WWP1: variants seen among roughly 807,000 people sequenced by gnomAD.
WWP1 encodes the protein NEDD4-like E3 ubiquitin-protein ligase WWP1.
A neutral mutation model predicts 130.6 loss-of-function variants in WWP1; 49 were observed. That is an observed-to-expected ratio of 0.38 (90% CI 0.30 to 0.48). WWP1 has a LOEUF of 0.48. Among genes scored for constraint, WWP1 ranks in the 20% least tolerant of loss-of-function variants. The pLI, the probability that WWP1 is intolerant of heterozygous loss-of-function variation, is 0.99. For synonymous variants in WWP1, 332 were observed against 367.8 expected (o/e 0.90, Z 1.11); for missense variants, 809 against 1,100.6 (o/e 0.74, Z 3.75).
intron 5 of WWP1, among the ~76,000 whole-genome samples, chr8:86,394,704 T>C (rs142104013): frequency 3.9e-4 from 60 of 152,208 alleles, no homozygotes; most frequent in African/African-American, 1.4e-3. Flanking sequence ...CAGAATAATA[T>C]CTTTTTCCCT....
In WWP1 at chr8:86,395,141, T is replaced by C. The variant is rs573722324; in HGVS notation, c.335-3201T>C. Among the ~76,000 whole-genome samples the C allele has an allele frequency of 6.6e-5, 10 of 152,166 alleles. No homozygotes were observed. In the South Asian group the frequency reaches 1.9e-3, roughly 28 times the overall value. Reference sequence around the variant, plus strand: ...CAAACCACTGTAAAATTAGGACGTATCATCAAACCACTGGTAAAAATTAGC... The same window carrying C: ...CAAACCACTGTAAAATTAGGACGTACCATCAAACCACTGGTAAAAATTAGC... On this transcript the variant is annotated intron_variant, in intron 5 of 24. Coordinates refer to ENST00000517970, the MANE Select transcript of WWP1 (RefSeq NM_007013.4).
intron 5 of WWP1, among the ~76,000 whole-genome samples, chr8:86,385,876 A>G (rs1042025934): frequency 1.3e-5 from 2 of 152,370 alleles, no homozygotes; most frequent in African/African-American, 2.4e-5. Flanking sequence ...ATTTTACTGT[A>G]TATAAAACAT....
Position 86,442,649 on chromosome 8 carries a change from T to G in WWP1, c.1869T>G (p.Val623=). The stretch of plus-strand genomic sequence containing the variant: ...GGTTTTTCTTGCTTTCACATGAAGT[T>G]TTGAACCCAATGTATTGCTTATTTG... ...REWFFLLSHE[V]LNPMYCLFEY... is the part of the protein sequence containing the mutation. The change falls in exon 18 of 25, where the codon GTT becomes GTG. Residue 623 remains valine, a synonymous_variant. Transcript: ENST00000517970. 6.2e-7 allele frequency: 1 copy of G among 1,608,142 alleles called. No individual in the cohort carries two copies. The highest frequency in any genetic ancestry group is 1.1e-5 in the South Asian group (1 of 90,102).
chr8:86,359,792 G>A lies in WWP1; in HGVS notation c.-114-9147G>A, dbSNP rs1823464684. On this transcript the variant is annotated intron_variant, in intron 1 of 24. Transcript: ENST00000517970. ...TCGGCGGGCGCAGTGGCTCACGCCT[G>A]TAATCCCAGCACTTTGGGAGGCGGA... Among the ~76,000 whole-genome samples the A allele has an allele frequency of 2.0e-5, 3 of 152,038 alleles. No homozygotes were observed. The South Asian group carries it at 6.2e-4, about 32-fold the overall frequency.
At chr8:86,378,217 A>T (rs1824780350) in intron 3 of WWP1, among the ~76,000 whole-genome samples, 1 of 152,134 alleles carries the variant, frequency 6.6e-6, no homozygotes, top group South Asian at 2.1e-4. Flanking sequence ...CCCCCACCAA[A>T]AACACTCAAA....
At chr8:86,379,048 C>T (rs1201126653) in intron 3 of WWP1, among the ~76,000 whole-genome samples, 1 of 152,210 alleles carries the variant, frequency 6.6e-6, no homozygotes, top group Non-Finnish European at 1.5e-5. Context: ...GTCTATCCCT[C>T]TGCTTTTAAC....
At chr8:86,438,508 G>T in intron 16 of WWP1, 77 bp from the exon 17 acceptor site, 2 of 1,076,052 alleles carry the variant, frequency 1.9e-6, no homozygotes, top group South Asian at 1.8e-5. Flanking sequence ...TGAAAATAGA[G>T]ATTAAATTTA....
At position 86,411,797 on chromosome 8, in the gene WWP1, A is replaced by G; in HGVS notation, c.984A>G (p.Lys328=). 1 of 1,614,160 alleles carries G rather than the reference A, an allele frequency of 6.2e-7. No individual in the cohort carries two copies. The highest frequency in any genetic ancestry group is 8.5e-7 in the Non-Finnish European group (1 of 1,180,032). The change falls in exon 9 of 25, where the codon AAA becomes AAG. Residue 328 remains lysine (K), a synonymous_variant. Transcript: ENST00000517970. ...SRSSSAFEAA[K]SRQPDGCMDP... ...GTAGTTCTGCTTTTGAAGCAGCCAA[A>G]TCAAGACAGCCAGATGGGTGTATGG...
At chr8:86,450,905 T>C (rs887622973) in intron 20 of WWP1, among the ~76,000 whole-genome samples, 2 of 151,956 alleles carry the variant, frequency 1.3e-5, no homozygotes, top group African/African-American at 4.8e-5. Flanking sequence ...GGACATTATG[T>C]ATTAGACTAT....
intron 24 of WWP1, among the ~76,000 whole-genome samples, chr8:86,465,751 A>AT (rs1017239513): frequency 1.3e-5 from 2 of 151,824 alleles, no homozygotes; most frequent in African/African-American, 2.4e-5. Flanking sequence ...TTAAAAAATA[A>AT]TTTTTTTTTC....
chr8:86,388,820 A>G (rs1825438266), intron 5 of WWP1, among the ~76,000 whole-genome samples: 1 of 152,170 alleles, frequency 6.6e-6, no homozygotes, highest in South Asian at 2.1e-4. Context: ...GAACATAAGC[A>G]TTTATTATTT....
At chr8:86,445,966 CTTTTCTTTTCTTTTT>C (rs1357818906) in intron 18 of WWP1, among the ~76,000 whole-genome samples, 4 of 113,150 alleles carry the variant, frequency 3.5e-5, no homozygotes, top group African/African-American at 1.5e-4. Flanking sequence ...CTTTTCTTTT[CTTTTCTTTTCTTTTT>C]TTTTTTTTTT....
At chr8:86,347,109 C>G (rs1472124751) in intron 1 of WWP1, among the ~76,000 whole-genome samples, 1 of 152,010 alleles carries the variant, frequency 6.6e-6, no homozygotes, top group Non-Finnish European at 1.5e-5. Flanking sequence ...CTCAGCCTCC[C>G]AAGTACTTGG....
rs760876616 is a variant in WWP1 at position 86,427,808 on chromosome 8, C to T, written c.1323C>T (p.Tyr441=). 3.6e-5 allele frequency: 58 copies of T among 1,609,456 alleles called. No homozygotes were observed. The highest frequency in any genetic ancestry group is 2.7e-5 in the African/African-American group (2 of 74,706). ...QGAMQQFNQR[Y]LYSASMLAAE... ...CTATGCAACAGTTTAACCAACGATA[C>T]CTCTATTCGGTAATTAGCAAATTGT... Residue 441 remains tyrosine (Y), a synonymous_variant, in exon 11 of 25, where the codon TAC becomes TAT. Transcript: ENST00000517970.
At chr8:86,403,677 A>G (rs929255962) in intron 8 of WWP1, among the ~76,000 whole-genome samples, 2 of 152,120 alleles carry the variant, frequency 1.3e-5, no homozygotes, top group Non-Finnish European at 2.9e-5. Context: ...GAGTTTTTGT[A>G]AACATTGAGA....
chr8:86,357,835 T>A (rs1244376708), intron 1 of WWP1, among the ~76,000 whole-genome samples: 1 of 152,214 alleles, frequency 6.6e-6, no homozygotes, highest in Non-Finnish European at 1.5e-5. Flanking sequence ...GTGGAAGCCC[T>A]GACATACCTC....
intron 1 of WWP1, among the ~76,000 whole-genome samples, chr8:86,363,040 T>C (rs989349609): frequency 6.6e-6 from 1 of 152,224 alleles, no homozygotes; most frequent in Non-Finnish European, 1.5e-5. Context: ...TTATATAATC[T>C]TACCTTGAAG....
intron 2 of WWP1, among the ~76,000 whole-genome samples, chr8:86,369,366 CA>C (rs1161401890): frequency 6.6e-6 from 1 of 152,116 alleles, no homozygotes; most frequent in Non-Finnish European, 1.5e-5. Context: ...AAGATGGTAT[CA>C]TTTTTTAACT....
intron 1 of WWP1, among the ~76,000 whole-genome samples, chr8:86,345,551 A>G (rs1319872636): frequency 6.6e-6 from 1 of 151,862 alleles, no homozygotes; most frequent in East Asian, 1.9e-4. Context: ...CTTGAACTAC[A>G]GGCGCTTGCC....
Sources: allele counts gnomAD v4.1 joint callset (sites outside exome capture counted in the v4.1 genomes callset), GRCh38; gene constraint gnomAD v4.1.1; transcripts MANE v1.5; gene names NCBI Gene and HGNC (gene_info 2026-07-23, HGNC 2026-07-21).